The following NHSL2 variants were observed in gnomAD, a reference collection of about 807,000 sequenced individuals.
NHSL2 encodes NHS-like protein 2.
A neutral mutation model predicts 53.4 loss-of-function variants in NHSL2; 27 were observed. That is an observed-to-expected ratio of 0.51 (90% CI 0.37 to 0.70). NHSL2 has a LOEUF of 0.70. NHSL2 is among the 30% of genes least tolerant of loss of function. NHSL2 has a pLI of 0.00. For missense variants in NHSL2, 892 were observed against 980.1 expected (o/e 0.91, Z 1.20); for synonymous variants, 408 against 404.1 (o/e 1.01, Z -0.12).
chrX:72,086,934 G>C (rs2041853120), intron 1 of NHSL2, among the ~76,000 whole-genome samples: 1 of 111,615 alleles, frequency 9.0e-6, no homozygotes, highest in African/African-American at 3.3e-5. Flanking sequence ...ATACCCAAAA[G>C]AAGTGAAAAC....
rs1303006994 is a variant in NHSL2 at position 72,019,656 on chromosome X, G to C, written c.280+108289G>C. 2.7e-5 allele frequency among the ~76,000 whole-genome samples: 3 copies of C among 111,943 alleles called. No individual in the cohort carries two copies. The East Asian group carries it at 8.4e-4, about 31-fold the overall frequency. On this transcript the variant is annotated intron_variant, in intron 1 of 7. Coordinates refer to ENST00000633930, the MANE Select transcript of NHSL2 (RefSeq NM_001013627.3). ...CTGTTTGAACCGAGTCTTGAAGGAA[G>C]GGTTGGGATTAGTTAGGCAGACAAG...
intron 1 of NHSL2, among the ~76,000 whole-genome samples, chrX:72,066,165 G>A (rs2042428149): frequency 9.0e-6 from 1 of 111,667 alleles, no homozygotes; most frequent in African/African-American, 3.3e-5. Flanking sequence ...TGGTGACTGG[G>A]ACCAGGGTGA....
At chrX:71,955,381 C>T (rs2041838555) in intron 1 of NHSL2, among the ~76,000 whole-genome samples, 1 of 110,194 alleles carries the variant, frequency 9.1e-6, no homozygotes, top group Non-Finnish European at 1.9e-5. Context: ...AGCTCAATGG[C>T]ACCTCCCCCG....
At chrX:71,980,560 GGTGTGTGGGGTGT>G (rs1404419704) in intron 1 of NHSL2, among the ~76,000 whole-genome samples, 3,797 of 99,448 alleles carry the variant, frequency 0.038, 197 homozygotes, top group African/African-American at 0.14. Context: ...GTGTGTGTGG[GGTGTGTGGGGTGT>G]GTGTGTGTGT....
chrX:72,019,376 A>G (rs1167353047), intron 1 of NHSL2, among the ~76,000 whole-genome samples: 2 of 112,468 alleles, frequency 1.8e-5, no homozygotes, highest in African/African-American at 6.5e-5. Flanking sequence ...CTGTGGAGAC[A>G]ATTGCCCTGA....
At chrX:72,047,665 G>A (rs1436587075) in intron 1 of NHSL2, among the ~76,000 whole-genome samples, 1 of 111,868 alleles carries the variant, frequency 8.9e-6, no homozygotes, top group Non-Finnish European at 1.9e-5. Context: ...ACCATCAGGA[G>A]ATTTCTCCCA....
chrX:71,919,239 G>A (rs1306932583), intron 1 of NHSL2, among the ~76,000 whole-genome samples: 2 of 112,172 alleles, frequency 1.8e-5, no homozygotes, highest in African/African-American at 3.2e-5. Flanking sequence ...CAGCTTCCAG[G>A]TGAAGTCCCA....
At chrX:72,124,738 T>C (rs6525574) in intron 1 of NHSL2, among the ~76,000 whole-genome samples, 59,865 of 110,482 alleles carry the variant, frequency 0.54, 15,097 homozygotes, top group Non-Finnish European at 0.78. Context: ...ACTTGCCTGA[T>C]TGGTTTCCTC....
At chrX:72,017,597 G>A (rs767672987) in intron 1 of NHSL2, among the ~76,000 whole-genome samples, 1 of 112,395 alleles carries the variant, frequency 8.9e-6, no homozygotes, top group Non-Finnish European at 1.9e-5. Flanking sequence ...ATGCTGTCTG[G>A]GCAAGCAGCA....
Position 72,151,870 on chromosome X carries a change from A to C in NHSL2, c.*8296A>C, listed in dbSNP as rs568651710. On this transcript the variant is annotated 3_prime_UTR_variant, in exon 8 of 8. Transcript: ENST00000633930. ...CAGCCTACGATTTCCTAGGGAAATC[A>C]CCAGGTTCCAAAGGCTGGTTTTTAA... 4.4e-5 allele frequency: 5 copies of C among 112,421 alleles called. No individual in the cohort carries two copies. In the East Asian group the frequency reaches 8.4e-4, roughly 19 times the overall value. 9.3% of individuals were successfully genotyped at this position (112,421 alleles called of 1,213,427 possible).
chrX:71,912,984 G>A (rs2041611695), intron 1 of NHSL2, among the ~76,000 whole-genome samples: 1 of 111,980 alleles, frequency 8.9e-6, no homozygotes, highest in African/African-American at 3.2e-5. Flanking sequence ...TGCCAGGTTA[G>A]AAGGAGATGG....
chrX:71,975,144 G>T (rs1311101628), intron 1 of NHSL2, among the ~76,000 whole-genome samples: 1 of 111,577 alleles, frequency 9.0e-6, no homozygotes, highest in African/African-American at 3.3e-5. Flanking sequence ...CTGTGCCCTG[G>T]CGACACTCCG....
At chrX:72,123,437 C>T (rs1335437551) in intron 1 of NHSL2, among the ~76,000 whole-genome samples, 2 of 111,623 alleles carry the variant, frequency 1.8e-5, no homozygotes, top group Non-Finnish European at 3.8e-5. Flanking sequence ...GGCCCACGGC[C>T]CCCACCCCCA....
intron 1 of NHSL2, among the ~76,000 whole-genome samples, chrX:71,918,401 GT>G (rs760626801): frequency 4.3e-4 from 47 of 108,409 alleles, no homozygotes; most frequent in Middle Eastern, 4.7e-3. Context: ...GAGGAGATGA[GT>G]TTTTAAAAAA....
intron 1 of NHSL2, among the ~76,000 whole-genome samples, chrX:72,011,397 T>C (rs1319906554): frequency 8.9e-6 from 1 of 112,463 alleles, no homozygotes; most frequent in Non-Finnish European, 1.9e-5. Context: ...GACGGCCAGG[T>C]GCGGTGGCTC....
intron 1 of NHSL2, among the ~76,000 whole-genome samples, chrX:71,941,006 G>A (rs11798652): frequency 9.0e-5 from 10 of 111,590 alleles, no homozygotes; most frequent in African/African-American, 3.3e-4. Context: ...GGGCAATGGA[G>A]TAAGAAAGGT....
chrX:72,024,486 C>T (rs1389698984), intron 1 of NHSL2, among the ~76,000 whole-genome samples: 2 of 112,369 alleles, frequency 1.8e-5, no homozygotes, highest in Non-Finnish European at 3.8e-5. Flanking sequence ...TGGCACAGTA[C>T]TCTGCATGGT....
rs957716594 is a variant in NHSL2 at position 72,031,957 on chromosome X, A to G, written c.281-100122A>G. On this transcript the variant is annotated intron_variant, in intron 1 of 7. Coordinates refer to ENST00000633930, the MANE Select transcript of NHSL2 (RefSeq NM_001013627.3). ...TTGGTACAATCCGCAGAGCGTATTC[A>G]GGTTTCACGTTTTACATGTCATGTA... 8.0e-5 allele frequency among the ~76,000 whole-genome samples: 9 copies of G among 111,836 alleles called. No homozygotes were observed. The South Asian group carries it at 1.1e-3, about 14-fold the overall frequency.
At chrX:72,130,456 T>G (rs1256452112) in intron 1 of NHSL2, 1 of 1,210,355 alleles carries the variant, frequency 8.3e-7, no homozygotes, top group South Asian at 1.8e-5. Context: ...GCGCTTCCTC[T>G]GGTCCTTGGA....
Sources: gnomAD v4.1 joint callset for allele counts (sites outside exome capture counted in the v4.1 genomes callset) on GRCh38, gnomAD v4.1.1 for gene constraint, MANE v1.5 for transcripts, NCBI Gene and HGNC (gene_info 2026-07-23, HGNC 2026-07-21) for gene names.